Variants in CFAP20DC observed in about 807,000 individuals in gnomAD.
The protein encoded by CFAP20DC is protein CFAP20DC.
In CFAP20DC, 84 loss-of-function variants were observed where a neutral mutation model predicts 101.7. That is an observed-to-expected ratio of 0.83 (90% confidence interval 0.69 to 0.99). The LOEUF is 0.99. CFAP20DC is among the 50% of genes least tolerant of loss of function. The pLI is 0.00. For synonymous variants in CFAP20DC, 359 were observed against 351.2 expected, an observed-to-expected ratio of 1.02 and a Z score of -0.25; for missense variants, 1,007 against 970.3, an observed-to-expected ratio of 1.04 and a Z score of -0.50.
Position 58,742,248 on chromosome 3 carries a change from A to T in CFAP20DC, c.*212T>A. The T allele has an allele frequency of 9.0e-7, 1 of 1,112,336 alleles. No homozygotes were observed. Among genetic ancestry groups the T allele is most frequent in the Non-Finnish European group, 1.1e-6 (1 of 906,364 alleles). 68.9% of individuals were successfully genotyped at this position (1,112,336 alleles called of 1,614,324 possible). On this transcript the variant is annotated 3_prime_UTR_variant, in exon 17 of 17. Coordinates refer to ENST00000482387, the MANE Select transcript of CFAP20DC (RefSeq NM_001394063.1). ...CAAACTCCTAAAATCTTGCCTCTGT[A>T]TTAATTTCTTCAGTTTCAAAATCAT...
rs529426929 is a variant in CFAP20DC, at chr3:58,996,876, C to T, written c.278+42681G>A. ...GGGAGGGGTTCTCCAACAGGCATGC[C>T]CACTGGGAAGAGCGCACACCGGGGT... On this transcript the variant is annotated intron_variant, in intron 4 of 16. Transcript: ENST00000482387. Among the ~76,000 whole-genome samples, 57 of 152,272 alleles carry T rather than the reference C, an allele frequency of 3.7e-4. No individual in the cohort carries two copies. The South Asian group carries it at 0.011, about 30-fold the overall frequency.
rs751066535 is a variant in CFAP20DC, at chr3:58,913,728, T to C, written c.530A>G (p.Gln177Arg). 4 of 1,613,706 alleles carry C rather than the reference T, an allele frequency of 2.5e-6. No individual in the cohort carries two copies. The highest frequency in any genetic ancestry group is 3.3e-4 in the Middle Eastern group (2 of 6,058). ...CATACCATCCTTATCAGCAGTGTCT[T>C]GTGGCTTTGATTTTAAGGTGAAGAT... ...RKIFTLKSKP[Q>R]DTADKDAVYG... is the part of the protein sequence containing the mutation. Residue 177 changes from glutamine (Q) to arginine (R), a missense_variant, in exon 6 of 17, where the codon CAA becomes CGA. Physicochemically the swap from Gln to Arg is conservative, Grantham distance 43. Coordinates refer to ENST00000482387, the MANE Select transcript of CFAP20DC (RefSeq NM_001394063.1). The surrounding 1 kb of genome is among the most constrained non-coding windows in gnomAD (Gnocchi z 4.4).
At chr3:58,885,331 T>C (rs1264656371) in intron 6 of CFAP20DC, among the ~76,000 whole-genome samples, 1 of 152,126 alleles carries the variant, frequency 6.6e-6, no homozygotes, top group Non-Finnish European at 1.5e-5. Flanking sequence ...TATATGGATA[T>C]ATTAATTGTC....
chr3:59,016,357 CAG>C (rs1373091918), intron 4 of CFAP20DC, among the ~76,000 whole-genome samples: 3 of 151,950 alleles, frequency 2.0e-5, no homozygotes, highest in East Asian at 3.9e-4. Context: ...CTCATGGAAA[CAG>C]AGAGTAGAAT....
rs552749948 is a variant in CFAP20DC at position 58,863,676 on chromosome 3, G to C, written c.1475C>G (p.Thr492Ser). 6.2e-7 allele frequency: 1 copy of C among 1,614,164 alleles called. No individual in the cohort carries two copies. Among genetic ancestry groups the C allele is most frequent in the African/African-American group, 1.3e-5 (1 of 75,026 alleles). Residue 492 changes from threonine (T) to serine (S), a missense_variant, in exon 12 of 17, where the codon ACT becomes AGT. Coordinates refer to ENST00000482387, the MANE Select transcript of CFAP20DC (RefSeq NM_001394063.1). This position sits in a 1 kb window ranked among gnomAD's most constrained non-coding sequence, Gnocchi z 5.9. ...SRPRSAPHGKTQTMSPEELSF... is the reference protein window; with the variant it reads ...SRPRSAPHGKSQTMSPEELSF... ...GAGCTCCTCTGGGGACATAGTCTGA[G>C]TCTTTCCATGAGGTGCTGATCGTGG...
intron 15 of CFAP20DC, among the ~76,000 whole-genome samples, chr3:58,786,522 G>A (rs2072351389): frequency 6.6e-6 from 1 of 152,020 alleles, no homozygotes; most frequent in Admixed American, 6.6e-5. Flanking sequence ...GTGAAATCTT[G>A]TGCTGTCCCT....
At chr3:58,837,402 C>A (rs369053605) in intron 13 of CFAP20DC, among the ~76,000 whole-genome samples, 40 of 152,238 alleles carry the variant, frequency 2.6e-4, no homozygotes, top group African/African-American at 9.1e-4. Flanking sequence ...AGAAGCCAGA[C>A]ACAGAAGAGT....
In CFAP20DC at chr3:58,717,494, T is replaced by C; in HGVS notation, c.*94A>G. On this transcript the variant is annotated 3_prime_UTR_variant, in exon 4 of 4. Coordinates refer to the CFAP20DC transcript ENST00000486145. The surrounding 1 kb of genome is among the most constrained non-coding windows in gnomAD (Gnocchi z 4.1). Reference sequence around the variant, plus strand: ...CTCATGTGAAATGTGTTCTGGAAACTGTAGTTCAGGATGAGTATAGATGCT... The same window carrying C: ...CTCATGTGAAATGTGTTCTGGAAACCGTAGTTCAGGATGAGTATAGATGCT... 2.8e-6 allele frequency: 1 copy of C among 357,294 alleles called. No homozygotes were observed. Among genetic ancestry groups the C allele is most frequent in the South Asian group, 2.1e-5 (1 of 47,956 alleles). The allele number at this position is 357,294 out of a possible 1,614,324, so 22.1% of individuals were successfully genotyped here.
rs1049191591 is a variant in CFAP20DC, at chr3:58,874,565, G to A, written c.716-4256C>T. Among the ~76,000 whole-genome samples, 4 of 151,984 alleles carry A rather than the reference G, an allele frequency of 2.6e-5. No homozygotes were observed. Among genetic ancestry groups the A allele is most frequent in the African/African-American group, 4.8e-5 (2 of 41,386 alleles). On this transcript the variant is annotated intron_variant, in intron 7 of 16. Transcript: ENST00000482387. The surrounding 1 kb of genome is among the most constrained non-coding windows in gnomAD (Gnocchi z 5.1). ...CTCGTTTTCTGCCCTCTCGGTAGAC[G>A]GGCCTTCTCAGTTCTTCCTGCCTAC...
chr3:58,720,654 CCCATGGCTAGGCATTA>C (rs990418594), intron 3 of CFAP20DC, among the ~76,000 whole-genome samples: 4 of 152,298 alleles, frequency 2.6e-5, no homozygotes, highest in African/African-American at 9.6e-5. Flanking sequence ...TGGAGGCATT[CCCATGGCTAGGCATTA>C]CAGCTCGGAC....
In CFAP20DC at chr3:58,863,698, G is replaced by C. The variant is rs538087182; in HGVS notation, c.1453C>G (p.Arg485Gly). The change falls in exon 12 of 17, where the codon CGA (arginine) becomes GGA (glycine). Residue 485 changes from arginine (R) to glycine (G), a missense_variant. By Grantham distance (125) the Arg-to-Gly change is moderately radical. Transcript: ENST00000482387. This position sits in a 1 kb window ranked among gnomAD's most constrained non-coding sequence, Gnocchi z 5.9. ...TGAGTCTTTCCATGAGGTGCTGATC[G>C]TGGTCTTGATGAAAAAGTGAAAATG... ...KDIFTFSSRP[R>G]SAPHGKTQTM... The C allele has an allele frequency of 1.9e-6, 3 of 1,614,012 alleles. No individual in the cohort carries two copies. In the Admixed American group the frequency reaches 5.0e-5, roughly 27 times the overall value.
At position 58,932,072 on chromosome 3, in the gene CFAP20DC, G is replaced by A. The variant is rs142409486; in HGVS notation, c.393+5576C>T. On this transcript the variant is annotated intron_variant, in intron 5 of 16. Transcript: ENST00000482387. ...ACTAGAATAACCAATACAGAGAAGT[G>A]CTTAAAGGAGCTGATGGAGGTGAAA... is the stretch of plus-strand genomic sequence containing the variant. 4.6e-3 allele frequency among the ~76,000 whole-genome samples: 707 copies of A among 152,344 alleles called. 4 individuals are homozygous for A. Among genetic ancestry groups the A allele is most frequent in the South Asian group, 0.017 (83 of 4,822 alleles).
chr3:59,047,550 T>A (rs767260495), intron 1 of CFAP20DC, among the ~76,000 whole-genome samples: 14 of 152,198 alleles, frequency 9.2e-5, no homozygotes, highest in Non-Finnish European at 1.8e-4. Context: ...ACTTGACACA[T>A]ACAGATCATT....
Position 58,964,938 on chromosome 3 carries a change from T to G in CFAP20DC, c.279-27176A>C, listed in dbSNP as rs1241815307. ...ACTACTGAAATATTTTCTAAAAAGG[T>G]TCTGCCCAACCTACTACTCACATAC... On this transcript the variant is annotated intron_variant, in intron 4 of 16. Transcript: ENST00000482387. This position sits in a 1 kb window ranked among gnomAD's most constrained non-coding sequence, Gnocchi z 4.1. Among the ~76,000 whole-genome samples, 1 of 152,206 alleles carries G rather than the reference T, an allele frequency of 6.6e-6. No individual in the cohort carries two copies. Among genetic ancestry groups the G allele is most frequent in the Non-Finnish European group, 1.5e-5 (1 of 68,046 alleles).
intron 16 of CFAP20DC, among the ~76,000 whole-genome samples, chr3:58,744,989 A>C (rs773326043): frequency 3.0e-4 from 45 of 152,118 alleles, no homozygotes; most frequent in Non-Finnish European, 3.8e-4. Context: ...TTGAAGTATG[A>C]AAGGACTTTG....
intron 14 of CFAP20DC, among the ~76,000 whole-genome samples, chr3:58,809,995 T>G (rs2074471494): frequency 6.6e-6 from 1 of 152,100 alleles, no homozygotes; most frequent in African/African-American, 2.4e-5. Flanking sequence ...ATCCCACGAC[T>G]AAACCAGGAA....
At chr3:58,865,524 G>C (rs2079612941) in intron 11 of CFAP20DC, among the ~76,000 whole-genome samples, 1 of 152,160 alleles carries the variant, frequency 6.6e-6, no homozygotes, top group Admixed American at 6.5e-5. Context: ...CCTTCACAGA[G>C]GGGTGCAGGG....
At chr3:58,990,050 T>C (rs1257624854) in intron 4 of CFAP20DC, among the ~76,000 whole-genome samples, 3 of 152,142 alleles carry the variant, frequency 2.0e-5, no homozygotes, top group Non-Finnish European at 4.4e-5. Flanking sequence ...GTGCCTGCAA[T>C]GTACTGATGA....
At position 58,795,005 on chromosome 3, in the gene CFAP20DC, T is replaced by C. The variant is rs1419291818; in HGVS notation, c.2237+11390A>G. Among the ~76,000 whole-genome samples, 1 of 152,218 alleles carries C rather than the reference T, an allele frequency of 6.6e-6. No individual in the cohort carries two copies. Among genetic ancestry groups the C allele is most frequent in the Non-Finnish European group, 1.5e-5 (1 of 68,040 alleles). The stretch of plus-strand genomic sequence containing the variant: ...ACGGATGTGACTGGCTGTAGCCATT[T>C]AACAATAATTACGGTCTTCCATTTT... On this transcript the variant is annotated intron_variant, in intron 15 of 16. Transcript: ENST00000482387. The surrounding 1 kb of genome is among the most constrained non-coding windows in gnomAD (Gnocchi z 4.2).
Sources: allele counts gnomAD v4.1 joint callset (sites outside exome capture counted in the v4.1 genomes callset), GRCh38; gene constraint gnomAD v4.1.1; non-coding constraint Gnocchi (gnomAD v3.1); transcripts MANE v1.5; gene names NCBI Gene and HGNC (gene_info 2026-07-23, HGNC 2026-07-21).